The following BANP variants were observed in gnomAD, a reference collection of about 807,000 sequenced individuals.
BANP encodes the protein protein BANP.
In BANP, 11 loss-of-function variants were observed where a neutral mutation model predicts 68.1. That is an observed-to-expected ratio of 0.16 (90% CI 0.10 to 0.27). The LOEUF (loss-of-function observed/expected upper bound fraction) is 0.27, where lower values mean the gene tolerates loss of function less well. Among genes scored for constraint, BANP ranks in the 10% least tolerant of loss-of-function variants. The pLI is 1.00. For synonymous variants in BANP, 329 were observed against 303.2 expected, an observed-to-expected ratio of 1.09 and a Z score of -0.88; for missense variants, 504 against 722.7, an observed-to-expected ratio of 0.70 and a Z score of 3.47.
At chr16:88,022,052 TTGG>T (rs1466899352) in intron 7 of BANP, among the ~76,000 whole-genome samples, 1 of 152,140 alleles carries the variant, frequency 6.6e-6, no homozygotes, top group Non-Finnish European at 1.5e-5. Context: ...TTCCCAAGGA[TTGG>T]TGGACCCCCC....
chr16:88,067,323 C>A (rs903468930), intron 12 of BANP, among the ~76,000 whole-genome samples: 1 of 152,154 alleles, frequency 6.6e-6, no homozygotes, highest in African/African-American at 2.4e-5. Flanking sequence ...GCCAGTGTCA[C>A]CCAGGTGTCT....
intron 1 of BANP, among the ~76,000 whole-genome samples, chr16:87,966,510 T>C (rs1487112200): frequency 2.0e-5 from 3 of 152,250 alleles, no homozygotes; most frequent in Non-Finnish European, 4.4e-5. Context: ...AAATCTTTAC[T>C]GTTAGCAGAA....
intron 6 of BANP, among the ~76,000 whole-genome samples, chr16:88,012,731 C>T (rs1364127816): frequency 2.0e-5 from 3 of 152,144 alleles, no homozygotes; most frequent in Non-Finnish European, 4.4e-5. Context: ...TAACATTTGT[C>T]GGAATTATTC....
chr16:87,973,706 T>C (rs1052364767), intron 1 of BANP, among the ~76,000 whole-genome samples: 2 of 144,822 alleles, frequency 1.4e-5, no homozygotes, highest in African/African-American at 5.2e-5. Context: ...TAAGCCGAGA[T>C]TGCGCCATTG....
At chr16:87,979,161 G>T (rs905826533) in intron 2 of BANP, among the ~76,000 whole-genome samples, 2 of 152,102 alleles carry the variant, frequency 1.3e-5, no homozygotes, top group African/African-American at 4.8e-5. Context: ...AGGCTTAAAG[G>T]CATGGACAGT....
intron 7 of BANP, among the ~76,000 whole-genome samples, chr16:88,024,068 G>A (rs551413370): frequency 6.6e-6 from 1 of 152,222 alleles, no homozygotes; most frequent in Non-Finnish European, 1.5e-5. Flanking sequence ...TGCTGCAGGG[G>A]AGACTTCTGC....
In BANP at chr16:88,036,459, C is replaced by T. The variant is rs951920458; in HGVS notation, c.1272+1065C>T. ...GGACTCACAGCGGGCGCAGAGCCTCCTGCCCAAGTGCCCGTGAGCAAGACT... is the reference window on the plus strand; with the variant it reads ...GGACTCACAGCGGGCGCAGAGCCTCTTGCCCAAGTGCCCGTGAGCAAGACT... On this transcript the variant is annotated intron_variant, in intron 10 of 13. Coordinates refer to ENST00000682872, the MANE Select transcript of BANP (RefSeq NM_001386991.1). This position sits in a 1 kb window ranked among gnomAD's most constrained non-coding sequence, Gnocchi z 4.2. Among the ~76,000 whole-genome samples the T allele has an allele frequency of 6.6e-5, 10 of 152,262 alleles. No homozygotes were observed. Among genetic ancestry groups the T allele is most frequent in the African/African-American group, 2.4e-4 (10 of 41,532 alleles).
At chr16:88,011,510 C>G (rs538748568) in intron 6 of BANP, among the ~76,000 whole-genome samples, 5 of 152,226 alleles carry the variant, frequency 3.3e-5, no homozygotes, top group African/African-American at 1.2e-4. Context: ...ACAGGCAAAA[C>G]CTTTACAATA....
At chr16:87,985,114 G>A (rs1321263328) in intron 4 of BANP, among the ~76,000 whole-genome samples, 3 of 152,222 alleles carry the variant, frequency 2.0e-5, no homozygotes, top group African/African-American at 4.8e-5. Context: ...CTCGCTGCCC[G>A]TGTGTGCTGG....
chr16:87,977,902 C>T (rs903302589), intron 2 of BANP, among the ~76,000 whole-genome samples: 27 of 152,152 alleles, frequency 1.8e-4, no homozygotes, highest in African/African-American at 6.0e-4. Flanking sequence ...GTGGCGTGAT[C>T]TCAGCTCACT....
chr16:88,071,392 G>A lies in BANP; in HGVS notation c.1378-677G>A, dbSNP rs971043752. ...GAAGTGGGCCTGGGTGCTTACAGGCGATGGGGTCACCAGAGCCCACCCAGG... is the reference window on the plus strand; with the variant it reads ...GAAGTGGGCCTGGGTGCTTACAGGCAATGGGGTCACCAGAGCCCACCCAGG... On this transcript the variant is annotated intron_variant, in intron 12 of 13. Coordinates refer to ENST00000682872, the MANE Select transcript of BANP (RefSeq NM_001386991.1). This position sits in a 1 kb window ranked among gnomAD's most constrained non-coding sequence, Gnocchi z 6.5. 25 of 438,274 alleles carry A rather than the reference G, an allele frequency of 5.7e-5. No individual in the cohort carries two copies. The highest frequency in any genetic ancestry group is 3.3e-4 in the Middle Eastern group (1 of 2,996). 27.1% of individuals were successfully genotyped at this position (438,274 alleles called of 1,614,324 possible).
chr16:87,969,054 TCTGCACTGCCCTCGTCCACA>T (rs2060640596), intron 1 of BANP, among the ~76,000 whole-genome samples: 1 of 152,186 alleles, frequency 6.6e-6, no homozygotes, highest in Non-Finnish European at 1.5e-5. Flanking sequence ...AAGCATGTCG[TCTGCACTGCCCTCGTCCACA>T]CTGCCCTGCC....
chr16:87,978,817 C>G (rs1317446718), intron 2 of BANP: 2 of 344,458 alleles, frequency 5.8e-6, no homozygotes, highest in African/African-American at 4.3e-5. Flanking sequence ...CCAGGCACAG[C>G]TGAGACCAGC....
chr16:88,073,395 G>C (rs1238128605), intron 13 of BANP, among the ~76,000 whole-genome samples: 1 of 151,934 alleles, frequency 6.6e-6, no homozygotes, highest in Admixed American at 6.6e-5. Flanking sequence ...GGCCCCTGCA[G>C]AGGCACGCCC....
chr16:87,971,016 C>CAAAA (rs10624509), intron 1 of BANP, among the ~76,000 whole-genome samples: 5 of 135,376 alleles, frequency 3.7e-5, no homozygotes, highest in South Asian at 2.4e-4. Flanking sequence ...GACTGCATCT[C>CAAAA]AAAAAAAAAA....
intron 11 of BANP, among the ~76,000 whole-genome samples, chr16:88,062,079 G>A (rs1482608347): frequency 6.6e-6 from 1 of 152,214 alleles, no homozygotes; most frequent in Non-Finnish European, 1.5e-5. Context: ...AAAGCTGAAT[G>A]ACAAAAACAA....
intron 4 of BANP, among the ~76,000 whole-genome samples, chr16:87,986,261 GTGTCACT>G (rs968758531): frequency 3.3e-5 from 5 of 152,216 alleles, no homozygotes; most frequent in African/African-American, 9.7e-5. Context: ...TGCCCATCAC[GTGTCACT>G]TGTCACTTGT....
At chr16:88,015,565 G>A (rs1366480496) in intron 6 of BANP, among the ~76,000 whole-genome samples, 2 of 152,238 alleles carry the variant, frequency 1.3e-5, no homozygotes, top group African/African-American at 4.8e-5. Context: ...GTTCTCTGGA[G>A]TTCTTCCCCT....
At chr16:88,059,909 G>A (rs2086237045) in intron 11 of BANP, among the ~76,000 whole-genome samples, 3 of 152,208 alleles carry the variant, frequency 2.0e-5, no homozygotes, top group Admixed American at 6.5e-5. Flanking sequence ...CGGCCTGGTG[G>A]GGAAGGGTCA....
Sources: gnomAD v4.1 joint callset for allele counts (sites outside exome capture counted in the v4.1 genomes callset) on GRCh38, gnomAD v4.1.1 for gene constraint, Gnocchi (gnomAD v3.1) non-coding constraint, MANE v1.5 for transcripts, NCBI Gene and HGNC (gene_info 2026-07-23, HGNC 2026-07-21) for gene names.